MAD1L1: variants seen among roughly 807,000 people sequenced by gnomAD.
The protein encoded by MAD1L1 is mitotic spindle assembly checkpoint protein MAD1.
Under a neutral mutation model 96.9 loss-of-function variants are expected in MAD1L1, and 95 were observed. The ratio of observed to expected loss-of-function variants is 0.98; its 90% CI spans 0.83 to 1.16. The LOEUF (loss-of-function observed/expected upper bound fraction) is 1.16, where lower values mean the gene tolerates loss of function less well. MAD1L1 is among the 50% of genes most tolerant of loss of function. The pLI, the probability that MAD1L1 is intolerant of heterozygous loss-of-function variation, is 0.00. For missense variants in MAD1L1, 1,007 were observed against 954.4 expected, an observed-to-expected ratio of 1.06 and a Z score of -0.73; for synonymous variants, 473 against 396.6, an observed-to-expected ratio of 1.19 and a Z score of -2.29.
At chr7:1,982,079 C>T (rs1007987490) in intron 14 of MAD1L1, among the ~76,000 whole-genome samples, 3 of 152,092 alleles carry the variant, frequency 2.0e-5, no homozygotes, top group African/African-American at 4.8e-5. Context: ...GCTGCTGGTG[C>T]GCATGCCAGC....
intron 11 of MAD1L1, among the ~76,000 whole-genome samples, chr7:2,083,247 TCG>T (rs1490026506): frequency 3.3e-5 from 5 of 152,224 alleles, no homozygotes; most frequent in Non-Finnish European, 5.9e-5. Flanking sequence ...AGGCACCCAT[TCG>T]CCCATCACTG....
intron 10 of MAD1L1, among the ~76,000 whole-genome samples, chr7:2,172,702 G>A (rs73287689): frequency 0.02 from 3,071 of 152,334 alleles, 107 homozygotes; most frequent in African/African-American, 0.07. Flanking sequence ...ACGGGTCTCC[G>A]TGGGACAGAG....
At chr7:2,212,942 G>A (rs1035050573) in intron 10 of MAD1L1, among the ~76,000 whole-genome samples, 1 of 152,224 alleles carries the variant, frequency 6.6e-6, no homozygotes, top group Non-Finnish European at 1.5e-5. Context: ...CGCAACGCAG[G>A]GCAATCAGAC....
intron 17 of MAD1L1, among the ~76,000 whole-genome samples, chr7:1,918,704 G>A (rs1371780392): frequency 6.6e-6 from 1 of 152,230 alleles, no homozygotes; most frequent in African/African-American, 2.4e-5. Context: ...AGAACAGCAT[G>A]GAGAGAAGGG....
At chr7:1,857,675 C>T (rs947468258) in intron 18 of MAD1L1, among the ~76,000 whole-genome samples, 4 of 152,138 alleles carry the variant, frequency 2.6e-5, no homozygotes, top group African/African-American at 9.7e-5. Context: ...GAAGAGGGGC[C>T]TTGGAGCAAA....
At chr7:1,888,963 C>T (rs1786364498) in intron 18 of MAD1L1, among the ~76,000 whole-genome samples, 1 of 152,222 alleles carries the variant, frequency 6.6e-6, no homozygotes, top group South Asian at 2.1e-4. Flanking sequence ...TTCCATGATG[C>T]ACTCACTGAC....
intron 12 of MAD1L1, among the ~76,000 whole-genome samples, chr7:2,060,464 G>T (rs1019460570): frequency 6.6e-6 from 1 of 152,132 alleles, no homozygotes; most frequent in African/African-American, 2.4e-5. Flanking sequence ...AGATAACGCT[G>T]ATGTCGAGAT....
At position 2,169,593 on chromosome 7, in the gene MAD1L1, G is replaced by A. The variant is rs1461851118; in HGVS notation, c.987-20355C>T. 4.6e-5 allele frequency among the ~76,000 whole-genome samples: 7 copies of A among 152,334 alleles called. 1 individual carries two copies. In the South Asian group the frequency reaches 1.2e-3, roughly 27 times the overall value. On this transcript the variant is annotated intron_variant, in intron 10 of 18. Coordinates refer to ENST00000265854, the MANE Select transcript of MAD1L1 (RefSeq NM_001013836.2). Reference sequence around the variant, plus strand: ...GTCTACACTGCAGGTGCCAGGCTCCGCGCTGCGTGCAATTAACAGGTCAGG... The same window carrying A: ...GTCTACACTGCAGGTGCCAGGCTCCACGCTGCGTGCAATTAACAGGTCAGG...
intron 11 of MAD1L1, among the ~76,000 whole-genome samples, chr7:2,145,640 C>T (rs932119143): frequency 1.3e-5 from 2 of 152,148 alleles, no homozygotes; most frequent in Admixed American, 6.5e-5. Context: ...TGATGGCTTC[C>T]GGCTCGGCAT....
chr7:1,867,172 C>T (rs749914004), intron 18 of MAD1L1, among the ~76,000 whole-genome samples: 1 of 152,176 alleles, frequency 6.6e-6, no homozygotes, highest in Non-Finnish European at 1.5e-5. Context: ...ACGGTCAGTG[C>T]CACAGACATG....
intron 12 of MAD1L1, among the ~76,000 whole-genome samples, chr7:2,060,435 T>C (rs1052625140): frequency 6.7e-6 from 1 of 149,924 alleles, no homozygotes; most frequent in Non-Finnish European, 1.5e-5. Flanking sequence ...ACGCCGATGC[T>C]GAGATAACGC....
intron 15 of MAD1L1, among the ~76,000 whole-genome samples, chr7:1,969,082 T>A (rs1583948769): frequency 6.6e-6 from 1 of 152,166 alleles, no homozygotes; most frequent in Admixed American, 6.5e-5. Context: ...CAATTCCATC[T>A]TTTCAAAAAA....
chr7:1,956,274 G>T (rs1779724548), intron 16 of MAD1L1, among the ~76,000 whole-genome samples: 1 of 152,102 alleles, frequency 6.6e-6, no homozygotes, highest in African/African-American at 2.4e-5. Context: ...GGTGTCAGAA[G>T]TGGTGGCAGC....
intron 15 of MAD1L1, among the ~76,000 whole-genome samples, chr7:1,970,526 G>T (rs139236514): frequency 7.9e-5 from 12 of 151,980 alleles, no homozygotes; most frequent in African/African-American, 2.9e-4. Context: ...TAGAGACGGG[G>T]TTTCGCTATG....
At chr7:2,210,998 C>T (rs931719987) in intron 10 of MAD1L1, among the ~76,000 whole-genome samples, 3 of 152,224 alleles carry the variant, frequency 2.0e-5, no homozygotes, top group South Asian at 2.1e-4. Flanking sequence ...CCCAGAGCAG[C>T]GCAGTGACTT....
intron 18 of MAD1L1, among the ~76,000 whole-genome samples, chr7:1,866,491 G>A (rs1324833454): frequency 2.0e-5 from 3 of 152,186 alleles, no homozygotes; most frequent in Middle Eastern, 3.2e-3. Context: ...CCCTCCAGAC[G>A]GTTCCAGTCT....
chr7:2,167,543 C>T (rs200760588), intron 10 of MAD1L1, among the ~76,000 whole-genome samples: 5 of 150,504 alleles, frequency 3.3e-5, no homozygotes, highest in South Asian at 4.2e-4. Context: ...AGCGAGACTC[C>T]GTCTCAAAAA....
chr7:1,989,605 C>T lies in MAD1L1; in HGVS notation c.1417-9064G>A, dbSNP rs954489425. Among the ~76,000 whole-genome samples, 4 of 152,234 alleles carry T rather than the reference C, an allele frequency of 2.6e-5. No homozygotes were observed. In the East Asian group the frequency reaches 5.8e-4, roughly 22 times the overall value. ...GGGGACCCTGGGAGAGCAGCCTGAG[C>T]GCGAGCACAGACGTCCCGGCAGCGC... On this transcript the variant is annotated intron_variant, in intron 14 of 18. Transcript: ENST00000265854.
chr7:2,218,144 C>A, intron 6 of MAD1L1, 101 bp from the exon 7 acceptor site: 1 of 860,458 alleles, frequency 1.2e-6, no homozygotes, highest in East Asian at 2.4e-5. Context: ...CACATACGTT[C>A]ATTCCCACCC....
Sources: allele counts gnomAD v4.1 joint callset (sites outside exome capture counted in the v4.1 genomes callset), GRCh38; gene constraint gnomAD v4.1.1; transcripts MANE v1.5; gene names NCBI Gene and HGNC (gene_info 2026-07-23, HGNC 2026-07-21).